The following FKTN variants were observed in gnomAD, a reference collection of about 807,000 sequenced individuals.
FKTN encodes ribitol-5-phosphate transferase FKTN.
In FKTN, 47 loss-of-function variants were observed where a neutral mutation model predicts 58.6. The ratio of observed to expected loss-of-function variants is 0.80; its 90% CI spans 0.63 to 1.02. The LOEUF (loss-of-function observed/expected upper bound fraction) is 1.02. Among genes scored for constraint, FKTN ranks in the 50% least tolerant of loss-of-function variants. The pLI is 0.00. For synonymous variants in FKTN, 178 were observed against 191.9 expected (o/e 0.93, Z 0.60); for missense variants, 516 against 537.3 (o/e 0.96, Z 0.39).
intron 10 of FKTN, among the ~76,000 whole-genome samples, chr9:105,621,682 C>T (rs7033138): frequency 0.13 from 19,283 of 151,946 alleles, 1,583 homozygotes; most frequent in East Asian, 0.46. Context: ...AGTATTATGG[C>T]ATATTACACA....
chr9:105,606,845 C>G (rs556847021), intron 6 of FKTN, among the ~76,000 whole-genome samples: 1 of 151,570 alleles, frequency 6.6e-6, no homozygotes, highest in South Asian at 2.1e-4. Context: ...CTTTTCTGAA[C>G]CAAGCCATAT....
rs1351132934 is a variant in FKTN, at chr9:105,638,066, A to G, written c.*2802A>G. ...AATCTTAAAAGCTAGAAAAACCATA[A>G]TGTAATATTCTTTTTAAACCCTCTT... On this transcript the variant is annotated 3_prime_UTR_variant, in exon 11 of 11. Transcript: ENST00000357998. The G allele has an allele frequency of 1.0e-6, 1 of 972,056 alleles. No individual in the cohort carries two copies. The highest frequency in any genetic ancestry group is 1.1e-4 in the East Asian group (1 of 8,772). 60.2% of individuals were successfully genotyped at this position (972,056 alleles called of 1,614,324 possible). A position where few individuals can be genotyped will look rare whatever the true frequency, so the allele number is the denominator to read the frequency against.
chr9:105,616,456 A>G (rs1830834254), intron 8 of FKTN, among the ~76,000 whole-genome samples: 1 of 152,160 alleles, frequency 6.6e-6, no homozygotes, highest in African/African-American at 2.4e-5. Flanking sequence ...TGACATGGAC[A>G]TACAGACTTT....
At chr9:105,566,004 A>G (rs374376253) in intron 1 of FKTN, among the ~76,000 whole-genome samples, 4 of 152,160 alleles carry the variant, frequency 2.6e-5, no homozygotes, top group African/African-American at 4.8e-5. Context: ...CTCACTCAAA[A>G]CCGCTCAAAT....
intron 7 of FKTN, among the ~76,000 whole-genome samples, chr9:105,609,363 T>G (rs1829499937): frequency 6.6e-6 from 1 of 152,052 alleles, no homozygotes; most frequent in Admixed American, 6.5e-5. Flanking sequence ...TCTGAACCAC[T>G]TGGGAGTAAG....
At chr9:105,571,972 A>G (rs1840808769) in intron 1 of FKTN, among the ~76,000 whole-genome samples, 1 of 152,158 alleles carries the variant, frequency 6.6e-6, no homozygotes, top group Non-Finnish European at 1.5e-5. Flanking sequence ...GAATCCTAAG[A>G]AGTCCAAAAT....
rs142646381 is a variant in FKTN at position 105,612,357 on chromosome 9, T to C, written c.781-2921T>C. On this transcript the variant is annotated intron_variant, in intron 7 of 10. Coordinates refer to ENST00000357998, the MANE Select transcript of FKTN (RefSeq NM_001079802.2). The stretch of plus-strand genomic sequence containing the variant: ...ATAGGTTATATGTTTACTCTGTTGA[T>C]AGTTTCTTTTGCTGTGCAGAAGCTC... 3.5e-4 allele frequency among the ~76,000 whole-genome samples: 53 copies of C among 152,258 alleles called. No individual in the cohort carries two copies. In the East Asian group the frequency reaches 8.3e-3, roughly 24 times the overall value.
chr9:105,562,904 T>G lies in FKTN; in HGVS notation c.-181+4739T>G, dbSNP rs114649221. 9.0e-3 allele frequency among the ~76,000 whole-genome samples: 1,378 copies of G among 152,304 alleles called. 21 individuals are homozygous for G. Among genetic ancestry groups the G allele is most frequent in the African/African-American group, 0.032 (1,320 of 41,568 alleles). On this transcript the variant is annotated intron_variant, in intron 1 of 10. Transcript: ENST00000357998. ...ACAGCATAAGGATATGGCTAGGCTC[T>G]CACATATCATCTTATGAACCTAAGT...
At position 105,635,831 on chromosome 9, in the gene FKTN, G is replaced by A; in HGVS notation, c.*567G>A. Reference sequence around the variant, plus strand: ...TAATCTTATGTGGAATTGAATTAGAGAACAAGGCATTATTCTTTTAGGGAA... The same window carrying A: ...TAATCTTATGTGGAATTGAATTAGAAAACAAGGCATTATTCTTTTAGGGAA... On this transcript the variant is annotated 3_prime_UTR_variant, in exon 11 of 11. Coordinates refer to ENST00000357998, the MANE Select transcript of FKTN (RefSeq NM_001079802.2). The A allele has an allele frequency of 1.0e-6, 1 of 997,440 alleles. No homozygotes were observed. The highest frequency in any genetic ancestry group is 1.2e-6 in the Non-Finnish European group (1 of 836,202). 61.8% of individuals were successfully genotyped at this position (997,440 alleles called of 1,614,324 possible). A position where few individuals can be genotyped will look rare whatever the true frequency, so the allele number is the denominator to read the frequency against.
Position 105,575,144 on chromosome 9 carries a change from T to TTA in FKTN, c.105+9_105+10dup, listed in dbSNP as rs759773682. On this transcript the variant is annotated splice_region_variant and intron_variant, in intron 3 of 10. Coordinates refer to ENST00000357998, the MANE Select transcript of FKTN (RefSeq NM_001079802.2). ...GCACTATTTATCAACAAAGGTAATT[T>TTA]TATTCCTTCTTTCTTATCATTCCTC... is the stretch of plus-strand genomic sequence containing the variant. The TTA allele has an allele frequency of 1.6e-5, 23 of 1,398,116 alleles. No individual in the cohort carries two copies. The highest frequency in any genetic ancestry group is 2.2e-5 in the Non-Finnish European group (22 of 983,138). 86.6% of individuals were successfully genotyped at this position (1,398,116 alleles called of 1,614,324 possible).
intron 10 of FKTN, among the ~76,000 whole-genome samples, chr9:105,621,376 A>G (rs1331161061): frequency 6.6e-6 from 1 of 152,134 alleles, no homozygotes; most frequent in East Asian, 1.9e-4. Context: ...TATTTTTAAC[A>G]CTACTATTCC....
intron 10 of FKTN, 74 bp downstream of exon 10, chr9:105,620,135 C>G (rs1831586131): frequency 7.2e-7 from 1 of 1,389,408 alleles, no homozygotes. Flanking sequence ...AAAGAAGTAA[C>G]TGAAAAGAAA....
chr9:105,598,563 A>T (rs1488371581), intron 4 of FKTN: 2 of 152,346 alleles, frequency 1.3e-5, no homozygotes, highest in Non-Finnish European at 2.9e-5. Flanking sequence ...GATGTTTTTC[A>T]GTCTTATAAA....
chr9:105,566,107 C>T (rs1035774740), intron 1 of FKTN, among the ~76,000 whole-genome samples: 11 of 152,252 alleles, frequency 7.2e-5, no homozygotes, highest in Admixed American at 5.2e-4. Context: ...CCAAGGAGAA[C>T]AAAGACACAA....
chr9:105,581,082 A>C (rs1842788615), intron 3 of FKTN, among the ~76,000 whole-genome samples: 2 of 149,318 alleles, frequency 1.3e-5, no homozygotes, highest in Non-Finnish European at 3.0e-5. Context: ...ATTTTTTTCA[A>C]AGTTTTTAAC....
chr9:105,626,742 G>C (rs995338764), intron 10 of FKTN, among the ~76,000 whole-genome samples: 1 of 152,056 alleles, frequency 6.6e-6, no homozygotes, highest in Admixed American at 6.5e-5. Context: ...TTTTACCAAC[G>C]CTTGGCATTG....
intron 4 of FKTN, among the ~76,000 whole-genome samples, chr9:105,600,068 T>G (rs1445083819): frequency 6.6e-6 from 1 of 152,184 alleles, no homozygotes; most frequent in Non-Finnish European, 1.5e-5. Flanking sequence ...GAAATTTGTG[T>G]CATCTAAGTT....
At chr9:105,567,250 C>A (rs571591483) in intron 1 of FKTN, among the ~76,000 whole-genome samples, 2 of 152,146 alleles carry the variant, frequency 1.3e-5, no homozygotes, top group African/African-American at 4.8e-5. Flanking sequence ...GACAGGGATG[C>A]CCTCTCTCAC....
chr9:105,620,124 TAAAG>T, intron 10 of FKTN, 63 bp downstream of exon 10: 1 of 1,437,500 alleles, frequency 7.0e-7, no homozygotes. Flanking sequence ...GAGGTAGAAA[TAAAG>T]AAGTAACTGA....
Sources: gnomAD v4.1 joint callset for allele counts (sites outside exome capture counted in the v4.1 genomes callset) on GRCh38, gnomAD v4.1.1 for gene constraint, MANE v1.5 for transcripts, NCBI Gene and HGNC (gene_info 2026-07-23, HGNC 2026-07-21) for gene names.